The following TENM2 variants were observed in gnomAD, a reference collection of about 807,000 sequenced individuals.
TENM2 encodes the protein teneurin transmembrane protein 2.
In TENM2, 52 loss-of-function variants were observed where a neutral mutation model predicts 245.2. The observed-to-expected ratio is 0.21, with a 90% confidence interval of 0.17 to 0.27. The LOEUF (loss-of-function observed/expected upper bound fraction) is 0.27. Ranked by LOEUF, TENM2 falls within the 10% of genes least tolerant of loss-of-function variation. The pLI is 1.00. For missense variants in TENM2, 3,046 were observed against 3,666.8 expected, an observed-to-expected ratio of 0.83 and a Z score of 4.37; for synonymous variants, 1,363 against 1,438.9, an observed-to-expected ratio of 0.95 and a Z score of 1.19.
At chr5:167,095,810 G>T in the TENM2 span, among the ~76,000 whole-genome samples, 3 of 125,654 alleles carry the variant, frequency 2.4e-5, no homozygotes, top group African/African-American at 6.0e-5. Context: ...CGCTCTTGTT[G>T]TCCAGACTGG....
intron 2 of TENM2, among the ~76,000 whole-genome samples, chr5:167,874,811 G>T (rs1003719148): frequency 1.3e-5 from 2 of 152,184 alleles, no homozygotes; most frequent in Non-Finnish European, 2.9e-5. Context: ...TGACCCAAGG[G>T]CCGCTCCATG....
chr5:167,023,392 C>A, the TENM2 span, among the ~76,000 whole-genome samples: 1 of 152,104 alleles, frequency 6.6e-6, no homozygotes, highest in African/African-American at 2.4e-5. Context: ...GAAAGTCATA[C>A]CTGGATGAAT....
chr5:167,421,308 T>C (rs1241986870), intron 2 of TENM2, among the ~76,000 whole-genome samples: 2 of 152,214 alleles, frequency 1.3e-5, no homozygotes, highest in Admixed American at 6.5e-5. Context: ...TGCAAAGCAT[T>C]GTTCTGATAG....
At chr5:167,513,288 G>T (rs562680825) in intron 2 of TENM2, among the ~76,000 whole-genome samples, 3 of 151,972 alleles carry the variant, frequency 2.0e-5, no homozygotes, top group Admixed American at 1.3e-4. Context: ...ACTTATTTGG[G>T]CACTAAAATA....
At chr5:168,120,900 A>G (rs17069917) in intron 10 of TENM2, among the ~76,000 whole-genome samples, 1,700 of 152,310 alleles carry the variant, frequency 0.011, 26 homozygotes, top group African/African-American at 0.039. Flanking sequence ...ACTATTAACA[A>G]ATTTGCCCAA....
At chr5:168,143,309 G>A (rs1045543043) in intron 12 of TENM2, among the ~76,000 whole-genome samples, 1 of 151,124 alleles carries the variant, frequency 6.6e-6, no homozygotes, top group African/African-American at 2.4e-5. Context: ...GGGGTTCATA[G>A]AGAATATTAT....
At chr5:167,760,658 G>A (rs1323714583) in intron 2 of TENM2, among the ~76,000 whole-genome samples, 1 of 152,018 alleles carries the variant, frequency 6.6e-6, no homozygotes, top group Non-Finnish European at 1.5e-5. Flanking sequence ...TGTTGTTGTT[G>A]CTGTTGTTGT....
chr5:167,946,976 C>T (rs759741035), intron 3 of TENM2, among the ~76,000 whole-genome samples: 7 of 152,058 alleles, frequency 4.6e-5, no homozygotes, highest in Middle Eastern at 3.4e-3. Context: ...GTTCTGAATC[C>T]CGTTTTATTT....
chr5:167,578,423 G>A (rs936401154), intron 2 of TENM2, among the ~76,000 whole-genome samples: 5 of 152,166 alleles, frequency 3.3e-5, no homozygotes, highest in African/African-American at 1.2e-4. Context: ...AAACACCTTC[G>A]TATTATAATT....
At chr5:167,290,779 A>C (rs1007576646) in intron 1 of TENM2, among the ~76,000 whole-genome samples, 12 of 152,200 alleles carry the variant, frequency 7.9e-5, no homozygotes, top group Non-Finnish European at 1.6e-4. Flanking sequence ...CAAAAAAAAA[A>C]AAAATAGATT....
At chr5:168,149,913 A>G (rs1756490064) in intron 12 of TENM2, among the ~76,000 whole-genome samples, 1 of 152,126 alleles carries the variant, frequency 6.6e-6, no homozygotes, top group Admixed American at 6.5e-5. Context: ...TGCCTGTGCT[A>G]CTATCTCCCA....
chr5:167,229,676 A>G, the TENM2 span, among the ~76,000 whole-genome samples: 5 of 152,100 alleles, frequency 3.3e-5, no homozygotes, highest in African/African-American at 7.2e-5. Flanking sequence ...CAGCATCCCC[A>G]TGTTCCTGGA....
chr5:167,355,433 G>GGAAGTT (rs1759247009), intron 1 of TENM2, among the ~76,000 whole-genome samples: 2 of 152,136 alleles, frequency 1.3e-5, no homozygotes, highest in Non-Finnish European at 2.9e-5. Context: ...CTGAGAGAGA[G>GGAAGTT]GAAGTTGAAG....
At chr5:167,261,682 A>G in the TENM2 span, among the ~76,000 whole-genome samples, 1 of 152,198 alleles carries the variant, frequency 6.6e-6, no homozygotes, top group Non-Finnish European at 1.5e-5. Context: ...TTAAGGACTC[A>G]ACATTTATAT....
At chr5:168,208,623 T>TTC (rs1223323968) in intron 19 of TENM2, among the ~76,000 whole-genome samples, 7 of 152,182 alleles carry the variant, frequency 4.6e-5, no homozygotes, top group Non-Finnish European at 8.8e-5. Context: ...GGAAATGCTT[T>TTC]TCCTATGTGG....
intron 2 of TENM2, among the ~76,000 whole-genome samples, chr5:167,864,710 C>G (rs1772149288): frequency 6.6e-6 from 1 of 152,190 alleles, no homozygotes; most frequent in Non-Finnish European, 1.5e-5. Flanking sequence ...AACTCTTCTT[C>G]CCAACGAACT....
At chr5:167,323,756 C>T (rs1354558513) in intron 1 of TENM2, among the ~76,000 whole-genome samples, 1 of 152,020 alleles carries the variant, frequency 6.6e-6, no homozygotes, top group Non-Finnish European at 1.5e-5. Context: ...GTTCTTATTC[C>T]CAGGTCCTAC....
At chr5:167,000,950 G>A in the TENM2 span, among the ~76,000 whole-genome samples, 11 of 152,124 alleles carry the variant, frequency 7.2e-5, no homozygotes, top group Non-Finnish European at 8.8e-5. Flanking sequence ...TTTGTCTGTG[G>A]TTTTTTGTTG....
chr5:167,362,250 C>G (rs1759762918), intron 1 of TENM2, among the ~76,000 whole-genome samples: 1 of 152,294 alleles, frequency 6.6e-6, no homozygotes. Context: ...ATGGTCTTGC[C>G]ATTTTTTATA....
Sources: gnomAD v4.1 joint callset for allele counts (sites outside exome capture counted in the v4.1 genomes callset) on GRCh38, gnomAD v4.1.1 for gene constraint, MANE v1.5 for transcripts, NCBI Gene and HGNC (gene_info 2026-07-23, HGNC 2026-07-21) for gene names.